Variants in GMDS observed in about 807,000 individuals in gnomAD.
GMDS encodes the protein GDP-mannose 4,6 dehydratase.
GMDS carries 20 observed loss-of-function variants against 49.9 expected under a neutral mutation model. The ratio of observed to expected loss-of-function variants is 0.40; its 90% CI spans 0.28 to 0.58. The LOEUF (loss-of-function observed/expected upper bound fraction) is 0.58, where lower values mean the gene tolerates loss of function less well. Among genes scored for constraint, GMDS ranks in the 20% least tolerant of loss-of-function variants. The pLI is 0.42. For synonymous variants in GMDS, 177 were observed against 178.6 expected (o/e 0.99, Z 0.07); for missense variants, 362 against 481.4 (o/e 0.75, Z 2.32).
chr6:1,831,544 C>T (rs566009338), intron 7 of GMDS, among the ~76,000 whole-genome samples: 2 of 152,290 alleles, frequency 1.3e-5, no homozygotes, highest in East Asian at 3.9e-4. Context: ...GGAAACATGA[C>T]TTAGTAAAAT....
intron 9 of GMDS, among the ~76,000 whole-genome samples, chr6:1,718,972 C>T (rs1196350209): frequency 6.6e-6 from 1 of 151,914 alleles, no homozygotes; most frequent in Non-Finnish European, 1.5e-5. Context: ...ATTGTTACAC[C>T]AGGTTTTCAT....
At chr6:2,048,177 C>A (rs189203831) in intron 4 of GMDS, among the ~76,000 whole-genome samples, 1 of 152,126 alleles carries the variant, frequency 6.6e-6, no homozygotes, top group Admixed American at 6.5e-5. Context: ...TTTTTATGTC[C>A]TGTATGAGAG....
chr6:1,952,494 C>G (rs1223323393), intron 6 of GMDS, among the ~76,000 whole-genome samples: 1 of 152,066 alleles, frequency 6.6e-6, no homozygotes, highest in Non-Finnish European at 1.5e-5. Context: ...CCCTCTGATT[C>G]CTCAGCTGGG....
intron 7 of GMDS, among the ~76,000 whole-genome samples, chr6:1,832,227 C>CA (rs1442191235): frequency 6.6e-6 from 1 of 151,186 alleles, no homozygotes; most frequent in Non-Finnish European, 1.5e-5. Flanking sequence ...CCCATCTCTA[C>CA]AAAAAATAAG....
At chr6:1,911,727 T>C (rs1761068170) in intron 7 of GMDS, among the ~76,000 whole-genome samples, 1 of 152,156 alleles carries the variant, frequency 6.6e-6, no homozygotes, top group Non-Finnish European at 1.5e-5. Flanking sequence ...CAACATAAAT[T>C]GAACCATTGA....
chr6:1,883,057 A>G (rs1759435547), intron 7 of GMDS, among the ~76,000 whole-genome samples: 1 of 152,174 alleles, frequency 6.6e-6, no homozygotes, highest in Non-Finnish European at 1.5e-5. Context: ...CATATGTACA[A>G]TTTGTGGCAT....
chr6:2,110,301 C>G (rs913793029), intron 4 of GMDS, among the ~76,000 whole-genome samples: 8 of 146,726 alleles, frequency 5.5e-5, no homozygotes, highest in African/African-American at 2.0e-4. Flanking sequence ...ATATGGGGGT[C>G]AGCTATTAAG....
At chr6:1,748,354 C>T (rs1767596184) in intron 7 of GMDS, among the ~76,000 whole-genome samples, 2 of 152,082 alleles carry the variant, frequency 1.3e-5, no homozygotes, top group South Asian at 2.1e-4. Flanking sequence ...ATGCATATAT[C>T]TCTTTTGTTT....
intron 7 of GMDS, among the ~76,000 whole-genome samples, chr6:1,876,303 A>G (rs1351321416): frequency 6.6e-6 from 1 of 152,324 alleles, no homozygotes; most frequent in African/African-American, 2.4e-5. Flanking sequence ...CTTTCTAACT[A>G]TGTTTTCTGC....
At chr6:1,829,238 G>T (rs1489123681) in intron 7 of GMDS, among the ~76,000 whole-genome samples, 1 of 152,128 alleles carries the variant, frequency 6.6e-6, no homozygotes, top group Non-Finnish European at 1.5e-5. Context: ...TGTTGTTCAA[G>T]GGTTAACTGT....
chr6:1,806,274 T>C (rs1340005338), intron 7 of GMDS, among the ~76,000 whole-genome samples: 1 of 152,218 alleles, frequency 6.6e-6, no homozygotes, highest in Non-Finnish European at 1.5e-5. Context: ...GCTAACGTAC[T>C]GAATACTACT....
At chr6:1,861,189 C>A (rs751475694) in intron 7 of GMDS, among the ~76,000 whole-genome samples, 4 of 152,130 alleles carry the variant, frequency 2.6e-5, no homozygotes, top group Non-Finnish European at 5.9e-5. Context: ...GGGAAAGCAC[C>A]CTCAGTGAAT....
chr6:2,097,795 G>A (rs1054847710), intron 4 of GMDS, among the ~76,000 whole-genome samples: 2 of 152,058 alleles, frequency 1.3e-5, no homozygotes, highest in Non-Finnish European at 2.9e-5. Context: ...GGATCTTCTC[G>A]TAGCAAGGCA....
At chr6:1,719,378 C>T (rs948037655) in intron 9 of GMDS, among the ~76,000 whole-genome samples, 18 of 152,164 alleles carry the variant, frequency 1.2e-4, no homozygotes, top group African/African-American at 3.9e-4. Context: ...GGCATGACTA[C>T]ATTTCAGCCC....
rs555786038 is a variant in GMDS at position 1,879,394 on chromosome 6, G to A, written c.771+50709C>T. On this transcript the variant is annotated intron_variant, in intron 7 of 10. Coordinates refer to ENST00000380815, the MANE Select transcript of GMDS (RefSeq NM_001500.4). The stretch of plus-strand genomic sequence containing the variant: ...ATAGGGTGAATATTCACCTGCTAAG[G>A]AGTCAAGCTTGCTGGGTGAGTAAAC... 1.6e-4 allele frequency among the ~76,000 whole-genome samples: 25 copies of A among 152,260 alleles called. No individual in the cohort carries two copies. In the Middle Eastern group the frequency reaches 0.01, roughly 62 times the overall value.
chr6:2,137,473 AC>A (rs1776067783), intron 1 of GMDS, among the ~76,000 whole-genome samples: 1 of 151,606 alleles, frequency 6.6e-6, no homozygotes, highest in Non-Finnish European at 1.5e-5. Flanking sequence ...AGCTGGGATT[AC>A]AGGCATGCGT....
intron 7 of GMDS, among the ~76,000 whole-genome samples, chr6:1,882,508 T>C (rs1000447679): frequency 1.3e-5 from 2 of 152,166 alleles, no homozygotes; most frequent in African/African-American, 2.4e-5. Context: ...CAAGATTCCA[T>C]ATTTTGCAAT....
chr6:1,822,840 C>T (rs967839986), intron 7 of GMDS, among the ~76,000 whole-genome samples: 2 of 152,088 alleles, frequency 1.3e-5, no homozygotes, highest in African/African-American at 4.8e-5. Context: ...TTTAAAATGA[C>T]CTATAATGTA....
At chr6:2,174,740 TG>T (rs552636988) in intron 1 of GMDS, among the ~76,000 whole-genome samples, 52 of 152,156 alleles carry the variant, frequency 3.4e-4, no homozygotes, top group Non-Finnish European at 6.5e-4. Flanking sequence ...GCTAACTTTT[TG>T]TATTTTTAGT....
Sources: allele counts gnomAD v4.1 joint callset (sites outside exome capture counted in the v4.1 genomes callset), GRCh38; gene constraint gnomAD v4.1.1; transcripts MANE v1.5; gene names NCBI Gene and HGNC (gene_info 2026-07-23, HGNC 2026-07-21).